The following KIAA1217 variants were observed in gnomAD, a reference collection of about 807,000 sequenced individuals.
The protein encoded by KIAA1217 is sickle tail protein homolog.
In KIAA1217, 88 loss-of-function variants were observed where a neutral mutation model predicts 163.9. The observed-to-expected ratio is 0.54, with a 90% confidence interval of 0.45 to 0.64. KIAA1217 has a LOEUF of 0.64. Ranked by LOEUF, KIAA1217 falls within the 30% of genes least tolerant of loss-of-function variation. The pLI, the probability that KIAA1217 is intolerant of heterozygous loss-of-function variation, is 0.00. For missense variants in KIAA1217, 2,372 were observed against 2,475.0 expected (o/e 0.96, Z 0.88); for synonymous variants, 903 against 923.1 (o/e 0.98, Z 0.39).
At chr10:24,229,129 A>G (rs1285824793) in intron 2 of KIAA1217, among the ~76,000 whole-genome samples, 1 of 152,186 alleles carries the variant, frequency 6.6e-6, no homozygotes, top group African/African-American at 2.4e-5. Context: ...TCTATTCAAA[A>G]TTTACGTACA....
intron 2 of KIAA1217, among the ~76,000 whole-genome samples, chr10:24,048,163 T>G (rs1487464372): frequency 1.3e-5 from 2 of 152,166 alleles, no homozygotes; most frequent in East Asian, 3.9e-4. Flanking sequence ...GTTATTAAAT[T>G]CATAGTTTTG....
chr10:24,150,609 G>T (rs1285267043), intron 2 of KIAA1217, among the ~76,000 whole-genome samples: 1 of 152,170 alleles, frequency 6.6e-6, no homozygotes, highest in East Asian at 1.9e-4. Flanking sequence ...TCACTTGTCA[G>T]GACAGAAATC....
intron 1 of KIAA1217, among the ~76,000 whole-genome samples, chr10:23,958,281 C>T (rs1844656244): frequency 6.6e-6 from 1 of 152,132 alleles, no homozygotes; most frequent in Non-Finnish European, 1.5e-5. Context: ...GGTGCTGTAG[C>T]AGACTGGGTG....
intron 3 of KIAA1217, among the ~76,000 whole-genome samples, chr10:24,400,343 C>T (rs750290853): frequency 3.9e-5 from 6 of 152,212 alleles, no homozygotes; most frequent in Non-Finnish European, 7.3e-5. Context: ...ATCTCAACAG[C>T]ACTTATCACA....
intron 1 of KIAA1217, among the ~76,000 whole-genome samples, chr10:23,901,347 T>G (rs532557071): frequency 6.6e-6 from 1 of 152,226 alleles, no homozygotes; most frequent in East Asian, 1.9e-4. Context: ...CTTTAAAAAA[T>G]TCCATAGTAA....
intron 2 of KIAA1217, among the ~76,000 whole-genome samples, chr10:24,100,055 T>C (rs1206022532): frequency 6.6e-6 from 1 of 152,028 alleles, no homozygotes; most frequent in African/African-American, 2.4e-5. Flanking sequence ...CTTTTATTTG[T>C]CCTCCTCCTC....
intron 1 of KIAA1217, among the ~76,000 whole-genome samples, chr10:23,917,514 A>G (rs181195802): frequency 6.6e-6 from 1 of 152,348 alleles, no homozygotes; most frequent in Non-Finnish European, 1.5e-5. Flanking sequence ...GCGGCCACAG[A>G]GGAAGAGGTG....
intron 2 of KIAA1217, among the ~76,000 whole-genome samples, chr10:24,183,531 G>A (rs894576946): frequency 1.4e-4 from 22 of 152,262 alleles, no homozygotes; most frequent in African/African-American, 4.1e-4. Flanking sequence ...TATTTGCTGC[G>A]TTTTGAAAAT....
intron 1 of KIAA1217, among the ~76,000 whole-genome samples, chr10:23,962,575 T>C (rs1197748285): frequency 1.3e-5 from 2 of 152,222 alleles, no homozygotes; most frequent in African/African-American, 2.4e-5. Context: ...AGATACTATA[T>C]ATTGTGTCTC....
chr10:24,360,171 C>T (rs1017890979), intron 2 of KIAA1217, among the ~76,000 whole-genome samples: 3 of 150,350 alleles, frequency 2.0e-5, no homozygotes, highest in Non-Finnish European at 4.4e-5. Flanking sequence ...CTCAGCTTCC[C>T]GAGTAGCTGG....
chr10:24,442,699 T>A (rs1255602674), intron 5 of KIAA1217, among the ~76,000 whole-genome samples: 1 of 152,116 alleles, frequency 6.6e-6, no homozygotes, highest in Non-Finnish European at 1.5e-5. Context: ...TGCATGCATA[T>A]TTTGGGGAAT....
chr10:24,078,031 A>G (rs188947697), intron 2 of KIAA1217, among the ~76,000 whole-genome samples: 127 of 152,140 alleles, frequency 8.3e-4, no homozygotes, highest in African/African-American at 2.2e-3. Context: ...CTACTTTTTA[A>G]TGGGGTTGTT....
chr10:24,200,732 G>A (rs764723046), intron 2 of KIAA1217, among the ~76,000 whole-genome samples: 14 of 152,238 alleles, frequency 9.2e-5, no homozygotes, highest in Non-Finnish European at 1.3e-4. Flanking sequence ...TCCAACCCGG[G>A]GAGCATCTGA....
intron 2 of KIAA1217, among the ~76,000 whole-genome samples, chr10:24,109,669 A>G (rs1483577855): frequency 6.6e-6 from 1 of 152,218 alleles, no homozygotes; most frequent in Non-Finnish European, 1.5e-5. Context: ...GAAAGGAAGA[A>G]TGGTGAAAGG....
At chr10:24,188,979 GCCTGTAGTCC>G (rs1370508159) in intron 2 of KIAA1217, among the ~76,000 whole-genome samples, 1 of 151,870 alleles carries the variant, frequency 6.6e-6, no homozygotes, top group Admixed American at 6.6e-5. Context: ...GGTGGCAGGT[GCCTGTAGTCC>G]CAGCTACTCT....
intron 5 of KIAA1217, among the ~76,000 whole-genome samples, chr10:24,460,713 C>A (rs116638088): frequency 0.013 from 1,908 of 152,160 alleles, 43 homozygotes; most frequent in African/African-American, 0.044. Flanking sequence ...TATGTTTTTT[C>A]TTTTGCTTGG....
intron 2 of KIAA1217, among the ~76,000 whole-genome samples, chr10:24,352,579 A>C (rs1025451965): frequency 3.3e-5 from 5 of 152,164 alleles, no homozygotes; most frequent in Non-Finnish European, 5.9e-5. Context: ...TTTTAGAACA[A>C]TGCAGTCAAG....
chr10:24,264,790 TCTC>T (rs2076061243), intron 2 of KIAA1217, among the ~76,000 whole-genome samples: 2 of 151,520 alleles, frequency 1.3e-5, no homozygotes, highest in African/African-American at 4.9e-5. Flanking sequence ...TCTCTCTCTC[TCTC>T]TCTCTCTCTC....
intron 1 of KIAA1217, among the ~76,000 whole-genome samples, chr10:23,798,337 C>T (rs531415174): frequency 1.2e-4 from 18 of 152,236 alleles, no homozygotes; most frequent in Non-Finnish European, 2.6e-4. Context: ...AAAATGATCC[C>T]AGCAAACCTG....
Sources: allele counts gnomAD v4.1 joint callset (sites outside exome capture counted in the v4.1 genomes callset), GRCh38; gene constraint gnomAD v4.1.1; transcripts MANE v1.5; gene names NCBI Gene and HGNC (gene_info 2026-07-23, HGNC 2026-07-21).